Variants in NIPBL observed in about 807,000 individuals in gnomAD.
The protein encoded by NIPBL is NIPBL cohesin loading factor.
A neutral mutation model predicts 321.8 loss-of-function variants in NIPBL; 19 were observed. That is an observed-to-expected ratio of 0.06 (90% CI 0.04 to 0.09). NIPBL has a LOEUF of 0.09. Ranked by LOEUF, NIPBL falls within the 10% of genes least tolerant of loss-of-function variation. The pLI is 1.00. For synonymous variants in NIPBL, 1,106 were observed against 1,114.1 expected (o/e 0.99, Z 0.14); for missense variants, 2,210 against 3,327.0 (o/e 0.66, Z 8.26).
At chr5:37,019,433 A>G (rs375736085) in intron 25 of NIPBL, 33 bp downstream of exon 25, 81 of 1,489,226 alleles carry the variant, frequency 5.4e-5, no homozygotes, top group Non-Finnish European at 6.9e-5. Context: ...TGGAGATACT[A>G]CATGTTTATT....
chr5:37,010,252 A>G, intron 21 of NIPBL, 27 bp downstream of exon 21: 2 of 1,527,120 alleles, frequency 1.3e-6, no homozygotes, highest in Non-Finnish European at 1.8e-6. Context: ...AGGTTTTACA[A>G]CTGTACTTTT....
intron 42 of NIPBL, among the ~76,000 whole-genome samples, chr5:37,053,106 A>G (rs1014575119): frequency 6.6e-6 from 1 of 152,176 alleles, no homozygotes; most frequent in Non-Finnish European, 1.5e-5. Context: ...GCATCACTTA[A>G]TGACAGGGAT....
At chr5:36,889,276 GA>G in intron 1 of NIPBL, among the ~76,000 whole-genome samples, 1 of 152,054 alleles carries the variant, frequency 6.6e-6, no homozygotes, top group Non-Finnish European at 1.5e-5. Flanking sequence ...TTGGATAAGA[GA>G]AAGATCTATA....
chr5:36,881,517 T>C (rs770823514), intron 1 of NIPBL, among the ~76,000 whole-genome samples: 23 of 151,916 alleles, frequency 1.5e-4, no homozygotes, highest in Non-Finnish European at 3.1e-4. Context: ...TGCCCAAAAG[T>C]AGAAACAATA....
intron 1 of NIPBL, chr5:36,886,116 C>A: frequency 1.5e-6 from 1 of 663,246 alleles, no homozygotes; most frequent in Non-Finnish European, 2.8e-6. Flanking sequence ...ACGGTCCAGT[C>A]CTTGGAGATC....
At chr5:36,989,106 G>A (rs576114473) in intron 10 of NIPBL, among the ~76,000 whole-genome samples, 2 of 152,266 alleles carry the variant, frequency 1.3e-5, no homozygotes, top group Non-Finnish European at 2.9e-5. Flanking sequence ...ATTAAAATTA[G>A]ATAATCGTCT....
At chr5:36,987,373 G>A (rs936168780) in intron 10 of NIPBL, among the ~76,000 whole-genome samples, 1 of 152,124 alleles carries the variant, frequency 6.6e-6, no homozygotes, top group Non-Finnish European at 1.5e-5. Context: ...AACTAAAATT[G>A]GAAGTTCATT....
chr5:36,897,349 A>C (rs1413676966), intron 1 of NIPBL, among the ~76,000 whole-genome samples: 1 of 152,144 alleles, frequency 6.6e-6, no homozygotes, highest in African/African-American at 2.4e-5. Flanking sequence ...CTGCTAGGGT[A>C]TGGAAGTGCA....
At chr5:36,891,665 G>A (rs1746341701) in intron 1 of NIPBL, among the ~76,000 whole-genome samples, 1 of 152,146 alleles carries the variant, frequency 6.6e-6, no homozygotes, top group Non-Finnish European at 1.5e-5. Flanking sequence ...GAGTGGATAT[G>A]CCTTACTAAG....
At chr5:36,926,770 A>G (rs781577568) in intron 1 of NIPBL, among the ~76,000 whole-genome samples, 3 of 152,044 alleles carry the variant, frequency 2.0e-5, no homozygotes, top group Admixed American at 1.3e-4. Flanking sequence ...GGGGTATGTG[A>G]GATATTTTGG....
At chr5:36,947,941 A>G (rs1046944385) in intron 1 of NIPBL, among the ~76,000 whole-genome samples, 3 of 151,916 alleles carry the variant, frequency 2.0e-5, no homozygotes, top group Non-Finnish European at 2.9e-5. Flanking sequence ...TGATGTGCAC[A>G]CTGATATTTT....
chr5:36,989,050 T>A (rs1362925393), intron 10 of NIPBL, among the ~76,000 whole-genome samples: 1 of 152,188 alleles, frequency 6.6e-6, no homozygotes, highest in African/African-American at 2.4e-5. Context: ...GCCTATTGAA[T>A]GGAGATGATG....
At chr5:37,044,101 G>GA (rs1752731349) in intron 34 of NIPBL, among the ~76,000 whole-genome samples, 1 of 151,934 alleles carries the variant, frequency 6.6e-6, no homozygotes, top group African/African-American at 2.4e-5. Context: ...ACATTTTAGG[G>GA]AAAAAATATA....
chr5:36,883,680 G>A (rs1745670742), intron 1 of NIPBL, among the ~76,000 whole-genome samples: 1 of 151,976 alleles, frequency 6.6e-6, no homozygotes, highest in African/African-American at 2.4e-5. Context: ...ACATTACAGA[G>A]TTTTCTCAAC....
At chr5:36,881,361 T>C (rs777591441) in intron 1 of NIPBL, among the ~76,000 whole-genome samples, 3 of 152,056 alleles carry the variant, frequency 2.0e-5, no homozygotes, top group East Asian at 1.9e-4. Context: ...AGTTGCATTA[T>C]GTTTTAAGGC....
At chr5:36,971,751 T>C in intron 7 of NIPBL, 194 bp from the exon 8 acceptor site, 1 of 947,714 alleles carries the variant, frequency 1.1e-6, no homozygotes, top group Non-Finnish European at 1.3e-6. Context: ...ATGCTTAGGC[T>C]GTTGATTCTT....
intron 9 of NIPBL, among the ~76,000 whole-genome samples, chr5:36,983,393 A>G (rs889563617): frequency 2.0e-5 from 3 of 151,930 alleles, no homozygotes; most frequent in African/African-American, 7.2e-5. Flanking sequence ...CCCACTTTAA[A>G]AAGAAAACAG....
chr5:37,030,898 G>A (rs2149710323), intron 32 of NIPBL, among the ~76,000 whole-genome samples: 1 of 146,994 alleles, frequency 6.8e-6, no homozygotes, highest in East Asian at 2.0e-4. Context: ...GGAACCACAG[G>A]CATGCACCAC....
chr5:37,042,035 C>T (rs1033141107), intron 34 of NIPBL, among the ~76,000 whole-genome samples: 33 of 152,110 alleles, frequency 2.2e-4, no homozygotes, highest in African/African-American at 8.0e-4. Flanking sequence ...CTGTGGGGAT[C>T]CTAAAAGGAA....
Sources: gnomAD v4.1 joint callset for allele counts (sites outside exome capture counted in the v4.1 genomes callset) on GRCh38, gnomAD v4.1.1 for gene constraint, MANE v1.5 for transcripts, NCBI Gene and HGNC (gene_info 2026-07-23, HGNC 2026-07-21) for gene names.